YY2: variants seen among roughly 807,000 people sequenced by gnomAD.
The protein encoded by YY2 is YY2 transcription factor, also known as transcription factor YY2.
For missense variants in YY2, 254 were observed against 305.3 expected (o/e 0.83, Z 1.25); for synonymous variants, 157 against 131.2 (o/e 1.20, Z -1.35).
In YY2 at chrX:21,856,289, CTCT is replaced by C; in HGVS notation, c.-195_-193del. 1.1e-5 allele frequency: 3 copies of C among 275,019 alleles called. No homozygotes were observed. Among genetic ancestry groups the C allele is most frequent in the South Asian group, 4.9e-5 (1 of 20,390 alleles). The allele number at this position is 275,019 out of a possible 1,213,427, so 22.7% of individuals were successfully genotyped here. A position where few individuals can be genotyped will look rare whatever the true frequency, so the allele number is the denominator to read the frequency against. ...GTGCTTTCCTCAGTCTCGCGCCTTT[CTCT>C]GCAGCTCGCGCCTTTCTCTGCAGCT... On this transcript the variant is annotated 5_prime_UTR_variant, in exon 1 of 1. Coordinates refer to ENST00000429584, the MANE Select transcript of YY2 (RefSeq NM_206923.4).
Position 21,858,165 on chromosome X carries a change from G to A in YY2, c.*562G>A, listed in dbSNP as rs1430711812. The A allele has an allele frequency of 8.0e-6, 1 of 124,674 alleles. No individual in the cohort carries two copies. The highest frequency in any genetic ancestry group is 1.9e-5 in the Non-Finnish European group (1 of 53,504). The allele number at this position is 124,674 out of a possible 1,213,427, so 10.3% of individuals were successfully genotyped here. ...TATAGGTGTTATTTGTTTTAATCTT[G>A]GTTGTAGTCTTGGATGTTAACACAT... is the stretch of plus-strand genomic sequence containing the variant. On this transcript the variant is annotated 3_prime_UTR_variant, in exon 1 of 1. Coordinates refer to ENST00000429584, the MANE Select transcript of YY2 (RefSeq NM_206923.4).
Position 21,857,233 on chromosome X carries a change from C to A in YY2, c.749C>A (p.Pro250His), listed in dbSNP as rs746989221. 1.5e-5 allele frequency: 18 copies of A among 1,210,228 alleles called. No homozygotes were observed. The highest frequency in any genetic ancestry group is 2.0e-5 in the Non-Finnish European group (18 of 895,332). ...KVKPKRSKGEPPKTVPCSYSG... is the reference protein window; with the variant it reads ...KVKPKRSKGEHPKTVPCSYSG... ...AAGCCCAAAAGGTCCAAAGGAGAAC[C>A]TCCCAAAACAGTCCCTTGCTCTTAT... The change falls in exon 1 of 1, where the codon CCT becomes CAT. Residue 250 changes from proline to histidine, a missense_variant. Coordinates refer to ENST00000429584, the MANE Select transcript of YY2 (RefSeq NM_206923.4).
chrX:21,855,998 G>T lies in YY2; in HGVS notation c.-487G>T, dbSNP rs1208794420. ...GTCGTATTAGTGCAATTAAATAAGA[G>T]AAAAAAGCATAAAAGGAGTAGGCTT... is the stretch of plus-strand genomic sequence containing the variant. On this transcript the variant is annotated 5_prime_UTR_variant, in exon 1 of 1. Transcript: ENST00000429584. 8.4e-6 allele frequency: 1 copy of T among 119,092 alleles called. No homozygotes were observed. Among genetic ancestry groups the T allele is most frequent in the East Asian group, 2.6e-4 (1 of 3,793 alleles). 9.8% of individuals were successfully genotyped at this position (119,092 alleles called of 1,213,427 possible).
In YY2 at chrX:21,858,318, C is replaced by T. The variant is rs1371646662; in HGVS notation, c.*715C>T. 1 of 123,066 alleles carries T rather than the reference C, an allele frequency of 8.1e-6. No homozygotes were observed. Among genetic ancestry groups the T allele is most frequent in the Non-Finnish European group, 1.9e-5 (1 of 53,104 alleles). The allele number at this position is 123,066 out of a possible 1,213,427, so 10.1% of individuals were successfully genotyped here. On this transcript the variant is annotated 3_prime_UTR_variant, in exon 1 of 1. Coordinates refer to ENST00000429584, the MANE Select transcript of YY2 (RefSeq NM_206923.4). ...CAGATGCTGTTGTTTAGTGTAATTT[C>T]TTTGCCTGTTCAGTTAAAGTAGTGC...
rs1356162475 is a variant in YY2 at position 21,857,761 on chromosome X, G to C, written c.*158G>C. ...GTGTTTTGTTAGAGTAGTAAAAATA[G>C]AATTTAAACGTTTTTAAAAAGGTAA... On this transcript the variant is annotated 3_prime_UTR_variant, in exon 1 of 1. Coordinates refer to ENST00000429584, the MANE Select transcript of YY2 (RefSeq NM_206923.4). 1 of 588,635 alleles carries C rather than the reference G, an allele frequency of 1.7e-6. No individual in the cohort carries two copies. The highest frequency in any genetic ancestry group is 3.7e-5 in the East Asian group (1 of 26,957). 48.5% of individuals were successfully genotyped at this position (588,635 alleles called of 1,213,427 possible). A position where few individuals can be genotyped will look rare whatever the true frequency, so the allele number is the denominator to read the frequency against.
rs1569323534 is a variant in YY2, at chrX:21,856,303, CCTTTCTCTGCAGCTCGCG to C, written c.-180_-163del. On this transcript the variant is annotated 5_prime_UTR_variant, in exon 1 of 1. Coordinates refer to ENST00000429584, the MANE Select transcript of YY2 (RefSeq NM_206923.4). ...CTCGCGCCTTTCTCTGCAGCTCGCG[CCTTTCTCTGCAGCTCGCG>C]CCTTTCTCTGCAGCTCGCGCCTTTC... is the stretch of plus-strand genomic sequence containing the variant. 5.5e-6 allele frequency: 2 copies of C among 365,134 alleles called. No individual in the cohort carries two copies. The highest frequency in any genetic ancestry group is 4.7e-6 in the Non-Finnish European group (1 of 213,910). 30.1% of individuals were successfully genotyped at this position (365,134 alleles called of 1,213,427 possible).
rs759382433 is a variant in YY2 at position 21,856,754 on chromosome X, T to C, written c.270T>C (p.Tyr90=). The C allele has an allele frequency of 2.5e-6, 3 of 1,211,729 alleles. No homozygotes were observed. In the South Asian group the frequency reaches 5.3e-5, roughly 21 times the overall value. ...MLQTQEEVVG[Y]CDSDNQLGND... Reference sequence around the variant, plus strand: ...AGACACAAGAGGAAGTGGTGGGCTATTGCGACTCAGACAACCAGCTAGGCA... The same window carrying C: ...AGACACAAGAGGAAGTGGTGGGCTACTGCGACTCAGACAACCAGCTAGGCA... The change falls in exon 1 of 1, where the codon TAT becomes TAC. Residue 90 remains tyrosine (Y), a synonymous_variant. Coordinates refer to ENST00000429584, the MANE Select transcript of YY2 (RefSeq NM_206923.4).
chrX:21,857,190 G>A lies in YY2; in HGVS notation c.706G>A (p.Ala236Thr). 8.3e-7 allele frequency: 1 copy of A among 1,211,867 alleles called. No homozygotes were observed. The highest frequency in any genetic ancestry group is 1.1e-6 in the Non-Finnish European group (1 of 895,575). Residue 236 changes from alanine (A) to threonine (T), a missense_variant, in exon 1 of 1, where the codon GCA becomes ACA. Ala to Thr is a moderately conservative substitution (Grantham distance 58). Transcript: ENST00000429584. ...TGATCTCTCAGATCCTAAACAGCTGGCAGAATTTACTAAAGTGAAGCCCAA... is the reference window on the plus strand; with the variant it reads ...TGATCTCTCAGATCCTAAACAGCTGACAGAATTTACTAAAGTGAAGCCCAA... ...GIDLSDPKQL[A>T]EFTKVKPKRS...
At position 21,857,597 on chromosome X, in the gene YY2, C is replaced by T. The variant is rs1383141021; in HGVS notation, c.1113C>T (p.Asn371=). The T allele has an allele frequency of 1.7e-6, 2 of 1,200,301 alleles. No homozygotes were observed. The highest frequency in any genetic ancestry group is 2.2e-5 in the Admixed American group (1 of 44,807). Residue 371 remains asparagine (N), a synonymous_variant, in exon 1 of 1, where the codon AAC becomes AAT. Transcript: ENST00000429584. ...HILTHVKTKN[N]P Reference sequence around the variant, plus strand: ...TAACGCATGTGAAGACCAAAAACAACCCGTGAAAAGGAGAAGACCCCTCTC... The same window carrying T: ...TAACGCATGTGAAGACCAAAAACAATCCGTGAAAAGGAGAAGACCCCTCTC...
In YY2 at chrX:21,856,137, A is replaced by C. The variant is rs1004045434; in HGVS notation, c.-348A>C. 8.9e-6 allele frequency: 2 copies of C among 225,963 alleles called. No homozygotes were observed. The highest frequency in any genetic ancestry group is 5.7e-5 in the African/African-American group (2 of 35,194). 18.6% of individuals were successfully genotyped at this position (225,963 alleles called of 1,213,427 possible). A position where few individuals can be genotyped will look rare whatever the true frequency, so the allele number is the denominator to read the frequency against. The stretch of plus-strand genomic sequence containing the variant: ...CTGCTTACGAAAGTGGAAAAACAAC[A>C]GCTGGGCGGGGTCGCAGGGTGGCAA... On this transcript the variant is annotated 5_prime_UTR_variant, in exon 1 of 1. Coordinates refer to ENST00000429584, the MANE Select transcript of YY2 (RefSeq NM_206923.4).
rs1452603795 is a variant in YY2 at position 21,858,492 on chromosome X, G to C, written c.*889G>C. The C allele has an allele frequency of 8.1e-6, 1 of 123,116 alleles. No homozygotes were observed. Among genetic ancestry groups the C allele is most frequent in the Non-Finnish European group, 1.9e-5 (1 of 53,297 alleles). 10.1% of individuals were successfully genotyped at this position (123,116 alleles called of 1,213,427 possible). A position where few individuals can be genotyped will look rare whatever the true frequency, so the allele number is the denominator to read the frequency against. On this transcript the variant is annotated 3_prime_UTR_variant, in exon 1 of 1. Transcript: ENST00000429584. ...TACAGAAGTTAGAACTAAAGAAAAG[G>C]GGGAGGGTGCTACTGGCATCTGGTG...
In YY2 at chrX:21,856,501, A is replaced by T. The variant is rs373080241; in HGVS notation, c.17A>T (p.Asp6Val). The T allele has an allele frequency of 7.5e-6, 9 of 1,205,867 alleles. No individual in the cohort carries two copies. Among genetic ancestry groups the T allele is most frequent in the Non-Finnish European group, 1.0e-5 (9 of 892,852 alleles). MASNE[D>V]FSITQDLEIP... ...CTCTCAGCCATGGCCTCCAACGAAG[A>T]TTTCTCCATCACACAAGACCTGGAG... Residue 6 changes from aspartate to valine, a missense_variant, in exon 1 of 1, where the codon GAT becomes GTT. Asp to Val is a radical substitution (Grantham distance 152). Transcript: ENST00000429584.
chrX:21,857,485 T>A lies in YY2; in HGVS notation c.1001T>A (p.Ile334Asn). 8.3e-7 allele frequency: 1 copy of A among 1,212,004 alleles called. No individual in the cohort carries two copies. The highest frequency in any genetic ancestry group is 1.1e-6 in the Non-Finnish European group (1 of 895,622). ...TTCAATTTGCGCACACACTTGCGCA[T>A]CCACACCGGCGATAAGCCCTTCGTG... ...LDFNLRTHLRIHTGDKPFVCP... is the reference protein window; with the variant it reads ...LDFNLRTHLRNHTGDKPFVCP... Residue 334 changes from isoleucine to asparagine, a missense_variant, in exon 1 of 1, where the codon ATC becomes AAC. By Grantham distance (149) the Ile-to-Asn change is moderately radical (BLOSUM62 -3). Coordinates refer to ENST00000429584, the MANE Select transcript of YY2 (RefSeq NM_206923.4).
At position 21,857,387 on chromosome X, in the gene YY2, C is replaced by T; in HGVS notation, c.903C>T (p.His301=). 2 of 1,212,325 alleles carry T rather than the reference C, an allele frequency of 1.6e-6. No individual in the cohort carries two copies. The highest frequency in any genetic ancestry group is 2.2e-6 in the Non-Finnish European group (2 of 895,647). ...TTGAGAGCTCAAAGCTGAGACGACA[C>T]CAGCTGGTCCACACCGGCGAGAAGC... ...AFLESSKLRR[H]QLVHTGEKPF... Residue 301 remains histidine (H), a synonymous_variant, in exon 1 of 1, where the codon CAC becomes CAT. Transcript: ENST00000429584.
Position 21,857,261 on chromosome X carries a change from C to A in YY2, c.777C>A (p.Ser259Arg). ...EPPKTVPCSY[S>R]GCEKMFRDYA... ...CCAAAACAGTCCCTTGCTCTTATAG[C>A]GGCTGCGAAAAGATGTTCCGGGATT... The change falls in exon 1 of 1, where the codon AGC becomes AGA. Residue 259 changes from serine (S) to arginine (R), a missense_variant. By Grantham distance (110) the Ser-to-Arg change is moderately radical (BLOSUM62 -1). Coordinates refer to ENST00000429584, the MANE Select transcript of YY2 (RefSeq NM_206923.4). The A allele has an allele frequency of 1.7e-6, 2 of 1,211,548 alleles. No homozygotes were observed. Among genetic ancestry groups the A allele is most frequent in the Non-Finnish European group, 2.2e-6 (2 of 895,455 alleles).
At position 21,858,229 on chromosome X, in the gene YY2, T is replaced by C. The variant is rs1340509492; in HGVS notation, c.*626T>C. The C allele has an allele frequency of 8.0e-6, 1 of 124,274 alleles. No homozygotes were observed. The highest frequency in any genetic ancestry group is 3.2e-5 in the African/African-American group (1 of 31,139). The allele number at this position is 124,274 out of a possible 1,213,427, so 10.2% of individuals were successfully genotyped here. ...TGTATTAGGTCATGTAGTATTGATATTAGGTGATTTAATAGTACTAGTTTA... is the reference window on the plus strand; with the variant it reads ...TGTATTAGGTCATGTAGTATTGATACTAGGTGATTTAATAGTACTAGTTTA... On this transcript the variant is annotated 3_prime_UTR_variant, in exon 1 of 1. Transcript: ENST00000429584.
In YY2 at chrX:21,857,172, T is replaced by G; in HGVS notation, c.688T>G (p.Ser230Ala). ...TGGGGGGTTACCAGGCATTGATCTCTCAGATCCTAAACAGCTGGCAGAATT... is the reference window on the plus strand; with the variant it reads ...TGGGGGGTTACCAGGCATTGATCTCGCAGATCCTAAACAGCTGGCAGAATT... ...PPGGLPGIDLSDPKQLAEFTK... is the reference protein window; with the variant it reads ...PPGGLPGIDLADPKQLAEFTK... Residue 230 changes from serine to alanine, a missense_variant, in exon 1 of 1, where the codon TCA (serine) becomes GCA (alanine). By Grantham distance (99) the Ser-to-Ala change is moderately conservative. Transcript: ENST00000429584. 8.3e-7 allele frequency: 1 copy of G among 1,211,854 alleles called. No homozygotes were observed. Among genetic ancestry groups the G allele is most frequent in the African/African-American group, 1.7e-5 (1 of 57,815 alleles).
chrX:21,856,959 G>T lies in YY2; in HGVS notation c.475G>T (p.Gly159Cys). The change falls in exon 1 of 1, where the codon GGC (glycine) becomes TGC (cysteine). Residue 159 changes from glycine (G) to cysteine (C), a missense_variant. Transcript: ENST00000429584. ...CACCAGCACTGAGGCCAACCCGGCA[G>T]GCAGCAGCTCCAGCCTGGGCACGAG... ...SATSTEANPA[G>C]SSSSLGTRKW... 8.2e-7 allele frequency: 1 copy of T among 1,212,177 alleles called. No individual in the cohort carries two copies. The highest frequency in any genetic ancestry group is 1.1e-6 in the Non-Finnish European group (1 of 895,654).
In YY2 at chrX:21,856,062, A is replaced by C; in HGVS notation, c.-423A>C. 7.1e-6 allele frequency: 1 copy of C among 141,680 alleles called. No individual in the cohort carries two copies. Among genetic ancestry groups the C allele is most frequent in the South Asian group, 2.6e-4 (1 of 3,876 alleles). The allele number at this position is 141,680 out of a possible 1,213,427, so 11.7% of individuals were successfully genotyped here. On this transcript the variant is annotated 5_prime_UTR_variant, in exon 1 of 1. Coordinates refer to ENST00000429584, the MANE Select transcript of YY2 (RefSeq NM_206923.4). ...TGTTATATGGGATGGACAGGAGGGG[A>C]AGACATGAAAATCAACTAAAATGAA...
Sources: gnomAD v4.1 joint callset for allele counts on GRCh38, gnomAD v4.1.1 for gene constraint, MANE v1.5 for transcripts, NCBI Gene and HGNC (gene_info 2026-07-23, HGNC 2026-07-21) for gene names.